IFFO2: variants seen among roughly 807,000 people sequenced by gnomAD.
IFFO2 encodes the protein intermediate filament family orphan 2.
In IFFO2, 19 loss-of-function variants were observed where a neutral mutation model predicts 53.5. The ratio of observed to expected loss-of-function variants is 0.36; its 90% CI spans 0.25 to 0.52. IFFO2 has a LOEUF of 0.52. Ranked by LOEUF, IFFO2 falls within the 20% of genes least tolerant of loss-of-function variation. The pLI is 0.94. For synonymous variants in IFFO2, 303 were observed against 313.6 expected (o/e 0.97, Z 0.36); for missense variants, 570 against 727.4 (o/e 0.78, Z 2.49).
Position 18,936,175 on chromosome 1 carries a change from C to T in IFFO2, c.666-15054G>A, listed in dbSNP as rs1200690758. Reference sequence around the variant, plus strand: ...GAGATCCAATCTAGGCCAATGCAGCCCTGTCGCCTTAGATATGGCCACCCT... The same window carrying T: ...GAGATCCAATCTAGGCCAATGCAGCTCTGTCGCCTTAGATATGGCCACCCT... On this transcript the variant is annotated intron_variant, in intron 1 of 8. Transcript: ENST00000455833. This position sits in a 1 kb window ranked among gnomAD's most constrained non-coding sequence, Gnocchi z 4.5. Among the ~76,000 whole-genome samples, 3 of 152,170 alleles carry T rather than the reference C, an allele frequency of 2.0e-5. No homozygotes were observed. The highest frequency in any genetic ancestry group is 4.4e-5 in the Non-Finnish European group (3 of 68,034).
rs923230765 is a variant in IFFO2 at position 18,947,969 on chromosome 1, C to A, written c.665+7699G>T. Among the ~76,000 whole-genome samples, 4 of 152,204 alleles carry A rather than the reference C, an allele frequency of 2.6e-5. No homozygotes were observed. The highest frequency in any genetic ancestry group is 3.9e-4 in the East Asian group (2 of 5,184). On this transcript the variant is annotated intron_variant, in intron 1 of 8. Transcript: ENST00000455833. This position sits in a 1 kb window ranked among gnomAD's most constrained non-coding sequence, Gnocchi z 5.0. Reference sequence around the variant, plus strand: ...GGCCACCTCCTGGGAGGAGCACTGACCTTGGGGTCCAGAGACCCAGACGGA... The same window carrying A: ...GGCCACCTCCTGGGAGGAGCACTGAACTTGGGGTCCAGAGACCCAGACGGA...
chr1:18,955,769 G>A lies in IFFO2; in HGVS notation c.564C>T (p.Pro188=). ...TGTCGATCTGCACGCCCACGCCGTC[G>A]GGGTGCACCCACGACACGCCGGGGC... is the stretch of plus-strand genomic sequence containing the variant. ...VQGPGVSWVH[P]DGVGVQIDTI... Residue 188 remains proline, a synonymous_variant, in exon 1 of 9, where the codon CCC becomes CCT. Coordinates refer to ENST00000455833, the MANE Select transcript of IFFO2 (RefSeq NM_001136265.2). The A allele has an allele frequency of 6.4e-7, 1 of 1,560,760 alleles. No individual in the cohort carries two copies. The highest frequency in any genetic ancestry group is 1.2e-5 in the South Asian group (1 of 85,718).
rs888943175 is a variant in IFFO2 at position 18,924,017 on chromosome 1, G to A, written c.666-2896C>T. The stretch of plus-strand genomic sequence containing the variant: ...GGCTTTTTATTTCCAAAGCCAGACG[G>A]GGGAGGCAGCCGGCTGGCCTGCTCC... On this transcript the variant is annotated intron_variant, in intron 1 of 8. Coordinates refer to ENST00000455833, the MANE Select transcript of IFFO2 (RefSeq NM_001136265.2). 6.6e-5 allele frequency among the ~76,000 whole-genome samples: 10 copies of A among 152,242 alleles called. No homozygotes were observed. In the South Asian group the frequency reaches 8.3e-4, roughly 13 times the overall value.
At position 18,956,333 on chromosome 1, in the gene IFFO2, G is replaced by A; in HGVS notation, c.-1C>T. The A allele has an allele frequency of 3.1e-6, 1 of 320,142 alleles. No individual in the cohort carries two copies. The highest frequency in any genetic ancestry group is 4.9e-6 in the Non-Finnish European group (1 of 204,230). 19.8% of individuals were successfully genotyped at this position (320,142 alleles called of 1,614,324 possible). The stretch of plus-strand genomic sequence containing the variant: ...CCCCGAACAGCAGCGAGTTCACCAT[G>A]CGCCGGCTGCGCGGCTCAGGGCCCC... On this transcript the variant is annotated 5_prime_UTR_variant, in exon 1 of 9. Transcript: ENST00000455833. The surrounding 1 kb of genome is among the most constrained non-coding windows in gnomAD (Gnocchi z 6.4).
intron 1 of IFFO2, among the ~76,000 whole-genome samples, chr1:18,937,631 T>C (rs1191021291): frequency 1.1e-4 from 17 of 152,172 alleles, no homozygotes. Context: ...TCGGAGGGCA[T>C]CTTTATTGGA....
intron 1 of IFFO2, among the ~76,000 whole-genome samples, chr1:18,941,420 C>G (rs1936518718): frequency 6.6e-6 from 1 of 152,238 alleles, no homozygotes; most frequent in Admixed American, 6.5e-5. Flanking sequence ...AAACCCTAAA[C>G]CAGCTGCCCT....
chr1:18,908,464 T>A lies in IFFO2; in HGVS notation c.*97A>T, dbSNP rs758239843. On this transcript the variant is annotated 3_prime_UTR_variant, in exon 9 of 9. Coordinates refer to ENST00000455833, the MANE Select transcript of IFFO2 (RefSeq NM_001136265.2). ...GAGGGCAGAGAAAGTCTGTGTGGTG[T>A]GGCTTCGAACCCCACTCCGAGGGGC... 1.3e-5 allele frequency: 11 copies of A among 824,630 alleles called. No homozygotes were observed. Among genetic ancestry groups the A allele is most frequent in the Non-Finnish European group, 2.0e-5 (10 of 491,226 alleles). The allele number at this position is 824,630 out of a possible 1,614,324, so 51.1% of individuals were successfully genotyped here.
In IFFO2 at chr1:18,956,284, G is replaced by C; in HGVS notation, c.49C>G (p.Pro17Ala). Residue 17 changes from proline to alanine, a missense_variant, in exon 1 of 9, where the codon CCG (proline) becomes GCG (alanine). Coordinates refer to ENST00000455833, the MANE Select transcript of IFFO2 (RefSeq NM_001136265.2). The surrounding 1 kb of genome is among the most constrained non-coding windows in gnomAD (Gnocchi z 6.4). ...FGEMALAFGC[P>A]PGGGGGGCPG... ...CAGCCCCCGCCGCCGCCGCCCGGCGGGCAGCCGAAGGCCAAGGCCATCTCC... is the reference window on the plus strand; with the variant it reads ...CAGCCCCCGCCGCCGCCGCCCGGCGCGCAGCCGAAGGCCAAGGCCATCTCC... The C allele has an allele frequency of 1.5e-6, 1 of 682,402 alleles. No homozygotes were observed. Among genetic ancestry groups the C allele is most frequent in the Non-Finnish European group, 1.9e-6 (1 of 528,440 alleles). The allele number at this position is 682,402 out of a possible 1,614,324, so 42.3% of individuals were successfully genotyped here.
chr1:18,938,987 C>A (rs1002382419), intron 1 of IFFO2, among the ~76,000 whole-genome samples: 2 of 152,216 alleles, frequency 1.3e-5, no homozygotes, highest in Admixed American at 6.5e-5. Context: ...CCCCTTCTTG[C>A]CCCAGCCACA....
At chr1:18,933,442 G>A (rs1424199389) in intron 1 of IFFO2, among the ~76,000 whole-genome samples, 1 of 152,210 alleles carries the variant, frequency 6.6e-6, no homozygotes, top group Non-Finnish European at 1.5e-5. Flanking sequence ...GGGATTATGG[G>A]GTAGAACTGT....
chr1:18,915,068 T>G (rs1177137170), intron 5 of IFFO2, among the ~76,000 whole-genome samples: 1 of 152,136 alleles, frequency 6.6e-6, no homozygotes, highest in Non-Finnish European at 1.5e-5. Context: ...ACCTTAAAAG[T>G]CAGCCTAGAA....
intron 1 of IFFO2, among the ~76,000 whole-genome samples, chr1:18,952,723 G>A (rs1035495496): frequency 6.6e-6 from 1 of 152,160 alleles, no homozygotes; most frequent in Non-Finnish European, 1.5e-5. Flanking sequence ...TTCTGTAAAT[G>A]GACATGAAGG....
chr1:18,910,212 TGGACGGAC>T (rs755385993), intron 8 of IFFO2, 122 bp downstream of exon 8: 7 of 994,040 alleles, frequency 7.0e-6, no homozygotes, highest in Non-Finnish European at 1.0e-5. Context: ...GATGGATGGA[TGGACGGAC>T]GGACGGACAG....
chr1:18,935,998 C>T lies in IFFO2; in HGVS notation c.666-14877G>A, dbSNP rs138508709. Among the ~76,000 whole-genome samples the T allele has an allele frequency of 1.2e-4, 18 of 151,664 alleles. No homozygotes were observed. The East Asian group carries it at 2.5e-3, about 21-fold the overall frequency. Reference sequence around the variant, plus strand: ...CTGGCATTACAGGTGTGAGCCACTGCGCCCGGCCCTCATCTCTTTCAAGAT... The same window carrying T: ...CTGGCATTACAGGTGTGAGCCACTGTGCCCGGCCCTCATCTCTTTCAAGAT... On this transcript the variant is annotated intron_variant, in intron 1 of 8. Transcript: ENST00000455833.
intron 1 of IFFO2, among the ~76,000 whole-genome samples, chr1:18,932,798 C>T (rs1408772780): frequency 6.6e-6 from 1 of 152,198 alleles, no homozygotes; most frequent in African/African-American, 2.4e-5. Flanking sequence ...AAACCAGCCC[C>T]CTCTGCTACC....
At chr1:18,911,330 C>T (rs1936033914) in intron 7 of IFFO2, 54 bp downstream of exon 7, 1 of 903,206 alleles carries the variant, frequency 1.1e-6, no homozygotes, top group African/African-American at 1.7e-5. Context: ...AGGATCTCAA[C>T]CATGTGGACC....
intron 1 of IFFO2, among the ~76,000 whole-genome samples, chr1:18,932,769 G>A (rs1382288667): frequency 6.6e-6 from 1 of 152,154 alleles, no homozygotes; most frequent in Non-Finnish European, 1.5e-5. Flanking sequence ...CCGGGGATGA[G>A]GCAGGGTACC....
At chr1:18,955,403 C>G (rs1309065236) in intron 1 of IFFO2, among the ~76,000 whole-genome samples, 2 of 152,228 alleles carry the variant, frequency 1.3e-5, no homozygotes, top group Non-Finnish European at 2.9e-5. Context: ...GCATAAAACA[C>G]AGACAGTTAT....
chr1:18,913,927 G>A (rs1936088664), intron 5 of IFFO2, among the ~76,000 whole-genome samples: 1 of 150,844 alleles, frequency 6.6e-6, no homozygotes, highest in Non-Finnish European at 1.5e-5. Context: ...GCCCCCTGGG[G>A]TTCACGCCAT....
Sources: gnomAD v4.1 joint callset for allele counts (sites outside exome capture counted in the v4.1 genomes callset) on GRCh38, gnomAD v4.1.1 for gene constraint, Gnocchi (gnomAD v3.1) non-coding constraint, MANE v1.5 for transcripts, NCBI Gene and HGNC (gene_info 2026-07-23, HGNC 2026-07-21) for gene names.